Variants in B4GALT1 observed in about 807,000 individuals in gnomAD.
B4GALT1 encodes the protein N-acetyllactosamine synthase.
B4GALT1 carries 16 observed loss-of-function variants against 34.9 expected under a neutral mutation model. That is an observed-to-expected ratio of 0.46 (90% confidence interval 0.31 to 0.70). The LOEUF (loss-of-function observed/expected upper bound fraction) is 0.70. Among genes scored for constraint, B4GALT1 ranks in the 30% least tolerant of loss-of-function variants. The pLI is 0.05. For synonymous variants in B4GALT1, 221 were observed against 218.1 expected (o/e 1.01, Z -0.12); for missense variants, 445 against 530.5 (o/e 0.84, Z 1.58).
At chr9:33,116,207 G>T in intron 3 of B4GALT1, 94 bp from the exon 4 acceptor site, 1 of 1,456,434 alleles carries the variant, frequency 6.9e-7, no homozygotes, top group Non-Finnish European at 9.4e-7. Flanking sequence ...CACTTTTAAA[G>T]TTATTCTTTT....
chr9:33,107,921 C>T (rs1259915410), downstream of B4GALT1, among the ~76,000 whole-genome samples: 1 of 152,066 alleles, frequency 6.6e-6, no homozygotes. Context: ...AGTCACTCGC[C>T]CTGAGGTTTA....
At chr9:33,160,079 T>C (rs968617295) in intron 1 of B4GALT1, among the ~76,000 whole-genome samples, 1 of 152,266 alleles carries the variant, frequency 6.6e-6, no homozygotes, top group African/African-American at 2.4e-5. Context: ...GTGATACTCA[T>C]CTGCCAGCAC....
chr9:33,120,923 C>T (rs1364773687), intron 2 of B4GALT1, among the ~76,000 whole-genome samples: 1 of 152,130 alleles, frequency 6.6e-6, no homozygotes, highest in Non-Finnish European at 1.5e-5. Flanking sequence ...AATCATAGTA[C>T]ATCCATACAA....
chr9:33,166,809 G>T lies in B4GALT1; in HGVS notation c.361C>A (p.His121Asn). 6.5e-7 allele frequency: 1 copy of T among 1,544,496 alleles called. No homozygotes were observed. Residue 121 changes from histidine to asparagine, a missense_variant, in exon 1 of 6, where the codon CAC (histidine) becomes AAC (asparagine). Around this residue, in one of 3 missense-constraint regions of B4GALT1, gnomAD observed 349 missense variants for 395.5 expected, o/e 0.88. Coordinates refer to ENST00000379731, the MANE Select transcript of B4GALT1 (RefSeq NM_001497.4). ...ASNLTSVPVPHTTALSLPACP... is the reference protein window; with the variant it reads ...ASNLTSVPVPNTTALSLPACP... The stretch of plus-strand genomic sequence containing the variant: ...GCGGGCAGCGACAGTGCGGTGGTGT[G>T]GGGCACTGGGACCGAGGTCAAGTTG...
At chr9:33,152,555 G>A (rs1328576043) in intron 1 of B4GALT1, among the ~76,000 whole-genome samples, 2 of 146,550 alleles carry the variant, frequency 1.4e-5, no homozygotes, top group African/African-American at 2.5e-5. Context: ...CAAAAAAAGG[G>A]TAAAAAAAAA....
intron 2 of B4GALT1, among the ~76,000 whole-genome samples, chr9:33,130,043 A>G (rs951816264): frequency 6.6e-6 from 1 of 152,216 alleles, no homozygotes; most frequent in Admixed American, 6.5e-5. Context: ...AATCCTGGGC[A>G]GCTGAGGGAG....
At chr9:33,109,272 G>C (rs115550985), downstream of B4GALT1, among the ~76,000 whole-genome samples, 1 of 152,242 alleles carries the variant, frequency 6.6e-6, no homozygotes, top group Admixed American at 6.5e-5. Flanking sequence ...AGCTGAACAC[G>C]TGGAGGTGTC....
upstream of B4GALT1, among the ~76,000 whole-genome samples, chr9:33,171,434 A>C (rs1186712422): frequency 6.6e-6 from 1 of 152,246 alleles, no homozygotes; most frequent in Admixed American, 6.5e-5. Context: ...GCATTTCAAA[A>C]ATACAGAAGA....
At chr9:33,157,977 T>C (rs1037287270) in intron 1 of B4GALT1, among the ~76,000 whole-genome samples, 1 of 152,202 alleles carries the variant, frequency 6.6e-6, no homozygotes, top group Non-Finnish European at 1.5e-5. Flanking sequence ...GAAACATTCC[T>C]TGTGCCATTT....
At chr9:33,115,032 C>A (rs1839918747) in intron 4 of B4GALT1, among the ~76,000 whole-genome samples, 2 of 152,086 alleles carry the variant, frequency 1.3e-5, no homozygotes, top group South Asian at 4.1e-4. Context: ...TCTGTCTGGA[C>A]CCTATGTCCA....
rs765416767 is a variant in B4GALT1 at position 33,113,763 on chromosome 9, A to C, written c.1064+11T>G. The C allele has an allele frequency of 2.5e-6, 4 of 1,613,980 alleles. No individual in the cohort carries two copies. The highest frequency in any genetic ancestry group is 2.7e-5 in the African/African-American group (2 of 74,938). ...AAAGGGGGAAGGAGTATGAATAAACAAAGAATGCACCTCTGAGGATTGGGT... is the reference window on the plus strand; with the variant it reads ...AAAGGGGGAAGGAGTATGAATAAACCAAGAATGCACCTCTGAGGATTGGGT... On this transcript the variant is annotated intron_variant, in intron 5 of 5. Coordinates refer to ENST00000379731, the MANE Select transcript of B4GALT1 (RefSeq NM_001497.4).
intron 1 of B4GALT1, 139 bp from the exon 2 acceptor site, chr9:33,135,563 GCCCT>G: frequency 1.3e-6 from 1 of 797,764 alleles, no homozygotes; most frequent in Non-Finnish European, 2.1e-6. Context: ...CACGGAGAGG[GCCCT>G]CCTGCCCAGC....
chr9:33,116,231 T>A, intron 3 of B4GALT1, 118 bp from the exon 4 acceptor site: 1 of 1,201,944 alleles, frequency 8.3e-7, no homozygotes, highest in Non-Finnish European at 1.1e-6. Context: ...TTCTCTAGAG[T>A]TTTTATTTAT....
intron 3 of B4GALT1, among the ~76,000 whole-genome samples, chr9:33,119,286 T>C (rs1013789402): frequency 6.6e-6 from 1 of 152,220 alleles, no homozygotes; most frequent in African/African-American, 2.4e-5. Context: ...TTTCCACCAA[T>C]GACAATATGC....
chr9:33,149,283 T>C (rs1192325809), intron 1 of B4GALT1, among the ~76,000 whole-genome samples: 2 of 151,752 alleles, frequency 1.3e-5, no homozygotes, highest in Non-Finnish European at 2.9e-5. Flanking sequence ...TTTTTATTTA[T>C]TTACTTTTTT....
chr9:33,142,737 A>T (rs1453376521), intron 1 of B4GALT1, among the ~76,000 whole-genome samples: 2 of 152,156 alleles, frequency 1.3e-5, no homozygotes, highest in Non-Finnish European at 2.9e-5. Flanking sequence ...GTGGGACTGC[A>T]GTGCATGCTA....
chr9:33,159,238 G>T (rs186252369), intron 1 of B4GALT1, among the ~76,000 whole-genome samples: 37 of 152,202 alleles, frequency 2.4e-4, no homozygotes, highest in African/African-American at 8.4e-4. Context: ...AAGAAACTTT[G>T]AAAGAAAAAA....
chr9:33,142,343 A>T (rs1840364999), intron 1 of B4GALT1, among the ~76,000 whole-genome samples: 2 of 152,146 alleles, frequency 1.3e-5, no homozygotes. Context: ...ATATCTTTAA[A>T]CTTGAACAAT....
At chr9:33,179,271 T>A in the B4GALT1 span, 1 of 152,222 alleles carries the variant, frequency 6.6e-6, no homozygotes, top group African/African-American at 2.4e-5. Context: ...TGGCTGGGAA[T>A]TGTACTCCAG....
Sources: allele counts gnomAD v4.1 joint callset (sites outside exome capture counted in the v4.1 genomes callset), GRCh38; gene constraint gnomAD v4.1.1; regional missense constraint gnomAD v4.1.1; transcripts MANE v1.5; gene names NCBI Gene and HGNC (gene_info 2026-07-23, HGNC 2026-07-21).